PDPN: variants seen among roughly 807,000 people sequenced by gnomAD.
The protein encoded by PDPN is PA2.26 antigen.
In PDPN, 12 loss-of-function variants were observed where a neutral mutation model predicts 23.2. That is an observed-to-expected ratio of 0.52 (90% CI 0.33 to 0.84). The LOEUF (loss-of-function observed/expected upper bound fraction) is 0.84. Ranked by LOEUF, PDPN falls within the 40% of genes least tolerant of loss-of-function variation. The pLI is 0.02. For synonymous variants in PDPN, 77 were observed against 76.7 expected (o/e 1.00, Z -0.02); for missense variants, 199 against 212.2 (o/e 0.94, Z 0.39).
At chr1:13,614,984 GA>G in intron 5 of PDPN, 1 of 341,110 alleles carries the variant, frequency 2.9e-6, no homozygotes, top group Non-Finnish European at 5.7e-6. Context: ...GAACTTGGAA[GA>G]AAACCCAAAC....
At chr1:13,587,150 C>G (rs1342561937) in intron 1 of PDPN, among the ~76,000 whole-genome samples, 1 of 152,148 alleles carries the variant, frequency 6.6e-6, no homozygotes, top group Non-Finnish European at 1.5e-5. Context: ...TCTAAAGATA[C>G]GAGAATTCCT....
rs745658026 is a variant in PDPN, at chr1:13,584,080, T to C, written c.47T>C (p.Leu16Pro). 2 of 1,612,966 alleles carry C rather than the reference T, an allele frequency of 1.2e-6. No individual in the cohort carries two copies. Among genetic ancestry groups the C allele is most frequent in the Non-Finnish European group, 1.7e-6 (2 of 1,179,992 alleles). The change falls in exon 1 of 6, where the codon CTC becomes CCC. Residue 16 changes from leucine to proline, a missense_variant. Transcript: ENST00000621990. ...ALLFVLGSAS[L>P]WVLAEGASTG... is the part of the protein sequence containing the mutation. Reference sequence around the variant, plus strand: ...CTCTTCGTTTTGGGAAGCGCGTCGCTCTGGGTCCTGGCAGAAGGAGGTAAG... The same window carrying C: ...CTCTTCGTTTTGGGAAGCGCGTCGCCCTGGGTCCTGGCAGAAGGAGGTAAG...
intron 1 of PDPN, among the ~76,000 whole-genome samples, chr1:13,598,733 A>G (rs1338270530): frequency 6.6e-6 from 1 of 152,000 alleles, no homozygotes; most frequent in African/African-American, 2.4e-5. Flanking sequence ...GCAGCGCCCC[A>G]TGCTCGTTCT....
intron 1 of PDPN, among the ~76,000 whole-genome samples, chr1:13,588,580 T>C (rs1367813109): frequency 6.8e-6 from 1 of 147,502 alleles, no homozygotes; most frequent in African/African-American, 2.5e-5. Flanking sequence ...TTATATATAA[T>C]ATAAATATAT....
At chr1:13,610,802 G>T (rs1230956496) in intron 3 of PDPN, among the ~76,000 whole-genome samples, 1 of 152,098 alleles carries the variant, frequency 6.6e-6, no homozygotes, top group East Asian at 1.9e-4. Context: ...TGGATAGAAT[G>T]TGACGTGAAG....
At chr1:13,595,866 C>G in intron 1 of PDPN, 1 of 1,288,292 alleles carries the variant, frequency 7.8e-7, no homozygotes, top group Non-Finnish European at 1.0e-6. Flanking sequence ...GCCTGGTGGA[C>G]AGCGGCAGGG....
At chr1:13,597,018 G>T (rs1016178388) in intron 1 of PDPN, among the ~76,000 whole-genome samples, 1 of 152,132 alleles carries the variant, frequency 6.6e-6, no homozygotes, top group African/African-American at 2.4e-5. Flanking sequence ...GTTTTGAGAC[G>T]TGATAGAAAA....
At chr1:13,614,205 G>T in intron 4 of PDPN, 95 bp from the exon 5 acceptor site, 1 of 687,230 alleles carries the variant, frequency 1.5e-6, no homozygotes, top group Non-Finnish European at 2.6e-6. Context: ...TTTGCTATGT[G>T]CAGTAGGGCA....
At chr1:13,615,139 C>T (rs1422255107) in intron 5 of PDPN, among the ~76,000 whole-genome samples, 1 of 152,210 alleles carries the variant, frequency 6.6e-6, no homozygotes, top group South Asian at 2.1e-4. Context: ...ATCTTCCGCT[C>T]TTGCCCTGCG....
At chr1:13,588,589 A>G (rs1425763052) in intron 1 of PDPN, among the ~76,000 whole-genome samples, 2 of 147,592 alleles carry the variant, frequency 1.4e-5, no homozygotes, top group East Asian at 2.0e-4. Flanking sequence ...ATATAAATAT[A>G]TAACTATATA....
intron 1 of PDPN, among the ~76,000 whole-genome samples, chr1:13,593,941 A>C (rs1640422171): frequency 2.0e-5 from 3 of 152,176 alleles, no homozygotes; most frequent in African/African-American, 4.8e-5. Context: ...AAAACTGTGA[A>C]CTCATTTCCT....
chr1:13,617,403 TG>T lies in PDPN; in HGVS notation c.*1493del. On this transcript the variant is annotated 3_prime_UTR_variant, in exon 6 of 6. Coordinates refer to ENST00000621990, the MANE Select transcript of PDPN (RefSeq NM_006474.5). Reference sequence around the variant, plus strand: ...CCACCAGCTCAGATTCCATTTTTTTTGTGTGTGTGTGTGAAACGTAGTCTGC... The same window carrying T: ...CCACCAGCTCAGATTCCATTTTTTTTTGTGTGTGTGTGAAACGTAGTCTGC... 1 of 152,108 alleles carries T rather than the reference TG, an allele frequency of 6.6e-6. No homozygotes were observed. 9.4% of individuals were successfully genotyped at this position (152,108 alleles called of 1,614,324 possible). A position where few individuals can be genotyped will look rare whatever the true frequency, so the allele number is the denominator to read the frequency against.
chr1:13,585,488 C>T, intron 1 of PDPN: 1 of 1,337,974 alleles, frequency 7.5e-7, no homozygotes. Context: ...GTGCAAATGA[C>T]ACCGTTTTGT....
At chr1:13,602,339 A>AT (rs1640668433) in intron 1 of PDPN, among the ~76,000 whole-genome samples, 1 of 152,096 alleles carries the variant, frequency 6.6e-6, no homozygotes, top group Non-Finnish European at 1.5e-5. Flanking sequence ...AAAAAAAAAA[A>AT]TGCCAGCAGC....
At chr1:13,591,849 C>A (rs1190126095) in intron 1 of PDPN, among the ~76,000 whole-genome samples, 1 of 152,202 alleles carries the variant, frequency 6.6e-6, no homozygotes, top group Admixed American at 6.5e-5. Context: ...CGTATGCCAC[C>A]ACACCAAGTT....
intron 1 of PDPN, chr1:13,595,915 C>T (rs1434237277): frequency 1.8e-5 from 23 of 1,279,038 alleles, no homozygotes; most frequent in South Asian, 3.7e-5. Context: ...AGAAGTGTTC[C>T]GGCCGGGTGC....
intron 1 of PDPN, among the ~76,000 whole-genome samples, chr1:13,584,843 T>C (rs752412995): frequency 6.6e-6 from 1 of 152,208 alleles, no homozygotes; most frequent in African/African-American, 2.4e-5. Flanking sequence ...TTAAATATTT[T>C]GTATCCCATG....
intron 2 of PDPN, among the ~76,000 whole-genome samples, chr1:13,609,145 G>C (rs760069681): frequency 4.6e-5 from 7 of 152,210 alleles, no homozygotes; most frequent in Admixed American, 2.6e-4. Flanking sequence ...AATAGAGACT[G>C]TGTGGCCTGG....
intron 1 of PDPN, among the ~76,000 whole-genome samples, chr1:13,606,491 GGA>G (rs935636332): frequency 5.9e-5 from 9 of 152,082 alleles, no homozygotes; most frequent in African/African-American, 2.2e-4. Context: ...AAAATTAAAT[GGA>G]GAGAGAGTTT....
Sources: allele counts gnomAD v4.1 joint callset (sites outside exome capture counted in the v4.1 genomes callset), GRCh38; gene constraint gnomAD v4.1.1; transcripts MANE v1.5; gene names NCBI Gene and HGNC (gene_info 2026-07-23, HGNC 2026-07-21).